Variants in MAP2K5 observed in about 807,000 individuals in gnomAD.
The protein encoded by MAP2K5 is mitogen-activated protein kinase kinase 5.
MAP2K5 carries 49 observed loss-of-function variants against 83.1 expected under a neutral mutation model. That is an observed-to-expected ratio of 0.59 (90% CI 0.47 to 0.75). The LOEUF (loss-of-function observed/expected upper bound fraction) is 0.75, where lower values mean the gene tolerates loss of function less well. Ranked by LOEUF, MAP2K5 falls within the 30% of genes least tolerant of loss-of-function variation. MAP2K5 has a pLI of 0.00. For synonymous variants in MAP2K5, 202 were observed against 191.8 expected (o/e 1.05, Z -0.44); for missense variants, 457 against 557.5 (o/e 0.82, Z 1.82).
intron 13 of MAP2K5, among the ~76,000 whole-genome samples, chr15:67,681,191 G>T (rs2087807581): frequency 6.6e-6 from 1 of 152,188 alleles, no homozygotes; most frequent in South Asian, 2.1e-4. Flanking sequence ...CAGATATCAA[G>T]ATATCAGATA....
intron 11 of MAP2K5, among the ~76,000 whole-genome samples, chr15:67,651,526 T>C (rs986626263): frequency 6.6e-6 from 1 of 152,220 alleles, no homozygotes; most frequent in Admixed American, 6.5e-5. Context: ...TTGTCCTTCC[T>C]TTCTCACTAC....
intron 21 of MAP2K5, among the ~76,000 whole-genome samples, chr15:67,789,748 AT>A (rs2090482737): frequency 6.6e-6 from 1 of 150,922 alleles, no homozygotes; most frequent in South Asian, 2.1e-4. Context: ...ATTTTAATTT[AT>A]GTTTATTTTA....
chr15:67,733,174 T>A (rs909622580), intron 17 of MAP2K5, among the ~76,000 whole-genome samples: 1 of 152,214 alleles, frequency 6.6e-6, no homozygotes, highest in African/African-American at 2.4e-5. Context: ...TGGAGTTTTT[T>A]ATGGTTCACT....
chr15:67,587,231 G>A lies in MAP2K5; in HGVS notation c.431+318G>A, dbSNP rs28730806. On this transcript the variant is annotated intron_variant, in intron 6 of 21. Transcript: ENST00000178640. This position sits in a 1 kb window ranked among gnomAD's most constrained non-coding sequence, Gnocchi z 4.8. ...TGTGAGTAGGCCAGTTTGGCACAGG[G>A]AGGGGTGCTGGGTTGGGGAAGGGAT... Among the ~76,000 whole-genome samples, 1,535 of 152,284 alleles carry A rather than the reference G, an allele frequency of 0.01. 13 individuals are homozygous for A. Among genetic ancestry groups the A allele is most frequent in the Non-Finnish European group, 0.015 (1,000 of 68,024 alleles).
chr15:67,618,038 C>T (rs1444579429), intron 8 of MAP2K5, among the ~76,000 whole-genome samples: 2 of 152,160 alleles, frequency 1.3e-5, no homozygotes, highest in Non-Finnish European at 2.9e-5. Context: ...TCAGTTTATT[C>T]TTTGTAATGA....
At chr15:67,566,643 T>A (rs2140971011) in intron 3 of MAP2K5, among the ~76,000 whole-genome samples, 1 of 152,354 alleles carries the variant, frequency 6.6e-6, no homozygotes, top group East Asian at 1.9e-4. Flanking sequence ...CCTATATCTC[T>A]GCATAAGAAT....
Position 67,543,451 on chromosome 15 carries a change from T to G in MAP2K5, c.116T>G (p.Leu39Ter). Residue 39 changes from leucine (L) to a stop codon, truncating the protein, a stop_gained, in exon 1 of 22, where the codon TTA (leucine) becomes TGA (stop). Coordinates refer to ENST00000178640, the MANE Select transcript of MAP2K5 (RefSeq NM_145160.3). LOFTEE classifies it high-confidence loss of function. This position sits in a 1 kb window ranked among gnomAD's most constrained non-coding sequence, Gnocchi z 4.3. ...TGGACAGTGCACTCCGGGCCGCAGT[T>G]ACTCTTCAGGGATGTGCTGGTGAGT... ...VDWTVHSGPQLLFRDVLDVIG... is the reference protein window; with the variant it reads ...VDWTVHSGPQ 1 of 1,614,146 alleles carries G rather than the reference T, an allele frequency of 6.2e-7. No homozygotes were observed. The highest frequency in any genetic ancestry group is 8.5e-7 in the Non-Finnish European group (1 of 1,180,016).
At chr15:67,707,432 A>G (rs2088583058) in intron 16 of MAP2K5, among the ~76,000 whole-genome samples, 1 of 152,272 alleles carries the variant, frequency 6.6e-6, no homozygotes, top group South Asian at 2.1e-4. Flanking sequence ...ATTCTGTAAC[A>G]TAGTCAACAC....
At chr15:67,581,278 G>T (rs1178918578) in intron 4 of MAP2K5, among the ~76,000 whole-genome samples, 4 of 152,052 alleles carry the variant, frequency 2.6e-5, no homozygotes, top group Admixed American at 1.3e-4. Flanking sequence ...TTTTGAGGAG[G>T]TATTTTCTAA....
Position 67,646,223 on chromosome 15 carries a change from A to G in MAP2K5, c.586-8A>G, listed in dbSNP as rs28580436. ...GATTAAAAAATATTAATACCTTTCT[A>G]TATTTAGGTCATACTACTAGATATT... On this transcript the variant is annotated splice_region_variant and splice_polypyrimidine_tract_variant and intron_variant, in intron 9 of 21. Coordinates refer to ENST00000178640, the MANE Select transcript of MAP2K5 (RefSeq NM_145160.3). 1,346 of 1,168,156 alleles carry G rather than the reference A, an allele frequency of 1.2e-3. 19 individuals are homozygous for G. The African/African-American group carries it at 0.019, about 16-fold the overall frequency. 72.4% of individuals were successfully genotyped at this position (1,168,156 alleles called of 1,614,324 possible).
chr15:67,622,732 C>T (rs2086216350), intron 8 of MAP2K5, among the ~76,000 whole-genome samples: 1 of 152,024 alleles, frequency 6.6e-6, no homozygotes, highest in Admixed American at 6.6e-5. Flanking sequence ...TGTAGTGTGC[C>T]AAGGGCAATA....
chr15:67,729,750 C>T (rs1165554586), intron 17 of MAP2K5, among the ~76,000 whole-genome samples: 1 of 152,074 alleles, frequency 6.6e-6, no homozygotes, highest in Non-Finnish European at 1.5e-5. Flanking sequence ...GGCAACAGAG[C>T]AAGATTCCGT....
intron 21 of MAP2K5, among the ~76,000 whole-genome samples, chr15:67,804,672 C>T (rs887322393): frequency 4.6e-5 from 7 of 152,214 alleles, no homozygotes; most frequent in African/African-American, 1.4e-4. Context: ...ATATGGGCCC[C>T]AAAGTCACCC....
rs185710247 is a variant in MAP2K5 at position 67,642,544 on chromosome 15, A to G, written c.586-3687A>G. On this transcript the variant is annotated intron_variant, in intron 9 of 21. Coordinates refer to ENST00000178640, the MANE Select transcript of MAP2K5 (RefSeq NM_145160.3). ...GTGGCATTCAAGCTGGGTCTAAAAG[A>G]TAGAACAGGTTTTTTCAATCAGTGC... 34 of 1,094,688 alleles carry G rather than the reference A, an allele frequency of 3.1e-5. No homozygotes were observed. In the African/African-American group the frequency reaches 4.5e-4, roughly 14 times the overall value. The allele number at this position is 1,094,688 out of a possible 1,614,324, so 67.8% of individuals were successfully genotyped here.
In MAP2K5 at chr15:67,722,745, A is replaced by G. The variant is rs541894142; in HGVS notation, c.1045-5171A>G. On this transcript the variant is annotated intron_variant, in intron 16 of 21. Transcript: ENST00000178640. This position sits in a 1 kb window ranked among gnomAD's most constrained non-coding sequence, Gnocchi z 4.2. ...AAGTTTCCCTGTGTCTGAGTGTTCCAAAGTGGCTGCTGCATTTCTATAAAA... is the reference window on the plus strand; with the variant it reads ...AAGTTTCCCTGTGTCTGAGTGTTCCGAAGTGGCTGCTGCATTTCTATAAAA... Among the ~76,000 whole-genome samples, 3 of 152,286 alleles carry G rather than the reference A, an allele frequency of 2.0e-5. No homozygotes were observed. In the South Asian group the frequency reaches 6.2e-4, roughly 32 times the overall value.
chr15:67,662,124 GAAT>G (rs1200048893), intron 12 of MAP2K5, among the ~76,000 whole-genome samples: 1 of 152,024 alleles, frequency 6.6e-6, no homozygotes, highest in Non-Finnish European at 1.5e-5. Flanking sequence ...ACATATACTA[GAAT>G]TGATGAATCT....
chr15:67,589,360 T>G (rs1319762176), intron 6 of MAP2K5, among the ~76,000 whole-genome samples: 1 of 152,224 alleles, frequency 6.6e-6, no homozygotes, highest in South Asian at 2.1e-4. Context: ...TTGTTTTTTC[T>G]TTTGCCTTAG....
chr15:67,639,959 A>G (rs1277534016), intron 9 of MAP2K5, among the ~76,000 whole-genome samples: 1 of 151,996 alleles, frequency 6.6e-6, no homozygotes, highest in African/African-American at 2.4e-5. Flanking sequence ...TCTATCTCTC[A>G]CTCACTCATT....
chr15:67,661,745 A>G (rs774579675), intron 12 of MAP2K5, among the ~76,000 whole-genome samples: 7 of 152,010 alleles, frequency 4.6e-5, no homozygotes, highest in Non-Finnish European at 8.8e-5. Context: ...TATGGAACCA[A>G]TTTTTAGTGG....
Sources: gnomAD v4.1 joint callset for allele counts (sites outside exome capture counted in the v4.1 genomes callset) on GRCh38, gnomAD v4.1.1 for gene constraint, Gnocchi (gnomAD v3.1) non-coding constraint, MANE v1.5 for transcripts, NCBI Gene and HGNC (gene_info 2026-07-23, HGNC 2026-07-21) for gene names.